The following CLIP2 variants were observed in gnomAD, a reference collection of about 807,000 sequenced individuals.
The protein encoded by CLIP2 is CAP-Gly domain-containing linker protein 2.
Under a neutral mutation model 111.7 loss-of-function variants are expected in CLIP2, and 41 were observed. The ratio of observed to expected loss-of-function variants is 0.37; its 90% CI spans 0.29 to 0.48. The LOEUF is 0.48. Ranked by LOEUF, CLIP2 falls within the 20% of genes least tolerant of loss-of-function variation. The pLI, the probability that CLIP2 is intolerant of heterozygous loss-of-function variation, is 0.99. For synonymous variants in CLIP2, 660 were observed against 644.2 expected, an observed-to-expected ratio of 1.02 and a Z score of -0.37; for missense variants, 1,160 against 1,422.1, an observed-to-expected ratio of 0.82 and a Z score of 2.96.
At chr7:74,358,354 CT>C (rs1207562869) in intron 6 of CLIP2, among the ~76,000 whole-genome samples, 1 of 151,736 alleles carries the variant, frequency 6.6e-6, no homozygotes, top group Non-Finnish European at 1.5e-5. Flanking sequence ...CCCAGCCCTG[CT>C]TTTTTATTTT....
chr7:74,352,549 C>T (rs1416835533), intron 3 of CLIP2, among the ~76,000 whole-genome samples: 1 of 152,064 alleles, frequency 6.6e-6, no homozygotes, highest in Non-Finnish European at 1.5e-5. Flanking sequence ...TCATCCTCAT[C>T]TATGAGTACT....
intron 8 of CLIP2, among the ~76,000 whole-genome samples, chr7:74,371,720 G>T (rs1466402234): frequency 6.7e-6 from 1 of 150,240 alleles, no homozygotes; most frequent in Admixed American, 6.7e-5. Context: ...GTGGGAAGGA[G>T]AGGGGAGAGA....
At chr7:74,361,152 TTCCC>T (rs1298175987) in intron 7 of CLIP2, among the ~76,000 whole-genome samples, 5 of 37,402 alleles carry the variant, frequency 1.3e-4, no homozygotes, top group East Asian at 6.6e-4. Context: ...TCCTTCCTTC[TTCCC>T]TCCCTCCCTC....
chr7:74,354,113 C>T, intron 4 of CLIP2, 109 bp downstream of exon 4: 1 of 1,327,662 alleles, frequency 7.5e-7, no homozygotes. Context: ...CATGTAGTGT[C>T]AGACACCATA....
intron 1 of CLIP2, among the ~76,000 whole-genome samples, chr7:74,291,059 G>C (rs1285635508): frequency 6.6e-6 from 1 of 152,230 alleles, no homozygotes; most frequent in African/African-American, 2.4e-5. Context: ...AGTCAGAAAA[G>C]GAGGCTATTG....
intron 2 of CLIP2, among the ~76,000 whole-genome samples, chr7:74,320,780 A>G (rs562911604): frequency 6.6e-6 from 1 of 152,048 alleles, no homozygotes; most frequent in Non-Finnish European, 1.5e-5. Flanking sequence ...CAGTGGGTGG[A>G]GTTTGAAAAT....
intron 1 of CLIP2, among the ~76,000 whole-genome samples, chr7:74,312,817 G>A (rs1440529552): frequency 6.6e-6 from 1 of 152,124 alleles, no homozygotes; most frequent in Non-Finnish European, 1.5e-5. Flanking sequence ...TGTGCCTGGG[G>A]GCAGCTTGTT....
intron 15 of CLIP2, among the ~76,000 whole-genome samples, chr7:74,401,256 G>A (rs1791611250): frequency 6.6e-6 from 1 of 152,238 alleles, no homozygotes; most frequent in Non-Finnish European, 1.5e-5. Flanking sequence ...GCTGAAAGGG[G>A]AGGGAGCCCT....
At chr7:74,331,205 CAAAAAAAAAAAAAAAA>C (rs58844348) in intron 2 of CLIP2, among the ~76,000 whole-genome samples, 39 of 59,960 alleles carry the variant, frequency 6.5e-4, no homozygotes, top group African/African-American at 2.8e-3. Context: ...GACTCCATCT[CAAAAAAAAAAAAAAAA>C]AAAAAAAAAA....
intron 1 of CLIP2, among the ~76,000 whole-genome samples, chr7:74,296,863 A>G (rs2116446334): frequency 6.6e-6 from 1 of 152,014 alleles, no homozygotes; most frequent in South Asian, 2.1e-4. Context: ...TCCAGCCTCC[A>G]TAGCTGTGAA....
chr7:74,397,334 AC>A, intron 14 of CLIP2, 101 bp downstream of exon 14: 1 of 1,220,310 alleles, frequency 8.2e-7, no homozygotes, highest in Non-Finnish European at 1.1e-6. Context: ...TCCTGGAATG[AC>A]CCCAGGGACA....
At chr7:74,337,508 G>T (rs111567095) in intron 2 of CLIP2, among the ~76,000 whole-genome samples, 1,829 of 151,594 alleles carry the variant, frequency 0.012, 39 homozygotes, top group African/African-American at 0.042. Context: ...CCCACCTGGT[G>T]GGGGGGTGGC....
chr7:74,341,564 C>T (rs1357773473), intron 3 of CLIP2, among the ~76,000 whole-genome samples: 1 of 151,920 alleles, frequency 6.6e-6, no homozygotes, highest in Non-Finnish European at 1.5e-5. Flanking sequence ...GTCTGCCCTG[C>T]CCTGGCCATG....
chr7:74,305,784 G>C (rs370142829), intron 1 of CLIP2, among the ~76,000 whole-genome samples: 1 of 148,956 alleles, frequency 6.7e-6, no homozygotes, highest in Non-Finnish European at 1.5e-5. Flanking sequence ...ATGAGTCACC[G>C]CACCCGGTCA....
In CLIP2 at chr7:74,360,287, TG is replaced by T; in HGVS notation, c.1319+11del. On this transcript the variant is annotated intron_variant, in intron 7 of 16. Transcript: ENST00000223398. ...CTGGAGGAGGAGAGGAGGTACGTGC[TG>T]GCCCACCCTCGCCCTGGCCCTGAGT... 1 of 1,579,982 alleles carries T rather than the reference TG, an allele frequency of 6.3e-7. No individual in the cohort carries two copies.
chr7:74,401,971 A>T (rs373912246), intron 16 of CLIP2, among the ~76,000 whole-genome samples: 320 of 151,800 alleles, frequency 2.1e-3, no homozygotes, highest in African/African-American at 5.8e-3. Flanking sequence ...AAAAAAAAAA[A>T]TTTTAAAAAG....
intron 4 of CLIP2, among the ~76,000 whole-genome samples, chr7:74,354,883 G>A (rs1340684582): frequency 4.6e-5 from 7 of 152,190 alleles, no homozygotes; most frequent in South Asian, 2.1e-4. Flanking sequence ...AATGCCCAGC[G>A]CTATATGGCC....
At position 74,375,868 on chromosome 7, in the gene CLIP2, T is replaced by A. The variant is rs373655944; in HGVS notation, c.1486-19T>A. 905 of 1,490,430 alleles carry A rather than the reference T, an allele frequency of 6.1e-4. 18 individuals carry two copies. The South Asian group carries it at 0.011, about 18-fold the overall frequency. The allele number at this position is 1,490,430 out of a possible 1,614,324, so 92.3% of individuals were successfully genotyped here. ...CAGCCAGCCAGCCCGCTGATCCCTG[T>A]CTCCCTCTCTCCCCACAGCTGACCA... On this transcript the variant is annotated intron_variant, in intron 9 of 16. Coordinates refer to ENST00000223398, the MANE Select transcript of CLIP2 (RefSeq NM_003388.5).
At chr7:74,333,635 C>G (rs1584334409) in intron 2 of CLIP2, among the ~76,000 whole-genome samples, 1 of 152,130 alleles carries the variant, frequency 6.6e-6, no homozygotes, top group East Asian at 1.9e-4. Context: ...GAGCGAGCCA[C>G]CATGGCTGGC....
Sources: allele counts gnomAD v4.1 joint callset (sites outside exome capture counted in the v4.1 genomes callset), GRCh38; gene constraint gnomAD v4.1.1; transcripts MANE v1.5; gene names NCBI Gene and HGNC (gene_info 2026-07-23, HGNC 2026-07-21).